PCDHGA5: variants seen among roughly 807,000 people sequenced by gnomAD.
PCDHGA5 encodes protocadherin gamma-A5.
PCDHGA5 carries 36 observed loss-of-function variants against 56.7 expected under a neutral mutation model. The ratio of observed to expected loss-of-function variants is 0.64; its 90% confidence interval spans 0.49 to 0.84. PCDHGA5 has a LOEUF of 0.84. Among genes scored for constraint, PCDHGA5 ranks in the 40% least tolerant of loss-of-function variants. PCDHGA5 has a pLI of 0.00. For synonymous variants in PCDHGA5, 563 were observed against 520.2 expected, an observed-to-expected ratio of 1.08 and a Z score of -1.12; for missense variants, 1,305 against 1,201.5, an observed-to-expected ratio of 1.09 and a Z score of -1.27.
At chr5:141,453,058 G>C (rs2098754889) in intron 1 of PCDHGA5, among the ~76,000 whole-genome samples, 2 of 152,076 alleles carry the variant, frequency 1.3e-5, no homozygotes, top group Admixed American at 1.3e-4. Flanking sequence ...TGCAGTTTTA[G>C]AGTTTTGCCA....
chr5:141,461,027 C>G (rs993151622), intron 1 of PCDHGA5, among the ~76,000 whole-genome samples: 2 of 150,168 alleles, frequency 1.3e-5, no homozygotes, highest in Non-Finnish European at 3.0e-5. Flanking sequence ...TTTTCTTTAT[C>G]CACTCATTAG....
intron 1 of PCDHGA5, among the ~76,000 whole-genome samples, chr5:141,474,266 G>A (rs1420620306): frequency 6.6e-6 from 1 of 152,186 alleles, no homozygotes; most frequent in Non-Finnish European, 1.5e-5. Context: ...ATAAACCAGT[G>A]TATCTCTGAA....
Position 141,485,342 on chromosome 5 carries a change from G to C in PCDHGA5, c.2422-9465G>C. 1.2e-6 allele frequency: 2 copies of C among 1,614,164 alleles called. No individual in the cohort carries two copies. Among genetic ancestry groups the C allele is most frequent in the Non-Finnish European group, 1.7e-6 (2 of 1,180,026 alleles). On this transcript the variant is annotated intron_variant, in intron 1 of 3. Coordinates refer to ENST00000518069, the MANE Select transcript of PCDHGA5 (RefSeq NM_018918.3). The surrounding 1 kb of genome is among the most constrained non-coding windows in gnomAD (Gnocchi z 5.7). The stretch of plus-strand genomic sequence containing the variant: ...CGCTCAAGATTTCCTGCTGGATACG[G>C]ACAGTCTGTCAGCTCGCAGGCTGCA...
chr5:141,427,817 G>A, intron 1 of PCDHGA5: 2 of 1,528,134 alleles, frequency 1.3e-6, no homozygotes, highest in Non-Finnish European at 1.8e-6. Flanking sequence ...AGAGCGGGGT[G>A]GTGGTCGCGC....
intron 1 of PCDHGA5, chr5:141,417,819 C>T: frequency 3.3e-6 from 5 of 1,513,202 alleles, no homozygotes; most frequent in Non-Finnish European, 3.5e-6. Flanking sequence ...GCACTTTCTC[C>T]AACTGGAAAA....
At chr5:141,398,023 G>C in intron 1 of PCDHGA5, 1 of 1,438,566 alleles carries the variant, frequency 7.0e-7, no homozygotes, top group Non-Finnish European at 9.3e-7. Context: ...TCCTAAACTG[G>C]AACTGGAACT....
intron 1 of PCDHGA5, among the ~76,000 whole-genome samples, chr5:141,492,968 C>T: frequency 6.6e-6 from 1 of 152,240 alleles, no homozygotes; most frequent in East Asian, 1.9e-4. Flanking sequence ...GACACTCTAA[C>T]AAGTCCTGTC....
chr5:141,431,049 T>C lies in PCDHGA5; in HGVS notation c.2422-63758T>C, dbSNP rs1226000576. On this transcript the variant is annotated intron_variant, in intron 1 of 3. Coordinates refer to ENST00000518069, the MANE Select transcript of PCDHGA5 (RefSeq NM_018918.3). The surrounding 1 kb of genome is among the most constrained non-coding windows in gnomAD (Gnocchi z 4.8). Reference sequence around the variant, plus strand: ...AGGATAGACCGGGAGGAGCTCTGTATGGGGGCCATCAAGTGTCAATTAAAT... The same window carrying C: ...AGGATAGACCGGGAGGAGCTCTGTACGGGGGCCATCAAGTGTCAATTAAAT... The C allele has an allele frequency of 6.2e-7, 1 of 1,614,162 alleles. No homozygotes were observed. Among genetic ancestry groups the C allele is most frequent in the Non-Finnish European group, 8.5e-7 (1 of 1,180,014 alleles).
At chr5:141,409,034 AACT>A in intron 1 of PCDHGA5, 6 of 1,613,992 alleles carry the variant, frequency 3.7e-6, no homozygotes, top group Non-Finnish European at 4.2e-6. Flanking sequence ...TGCTGAGATA[AACT>A]ACTACTTCCG....
chr5:141,370,186 G>A (rs1032273618), intron 1 of PCDHGA5: 2 of 508,450 alleles, frequency 3.9e-6, no homozygotes, highest in Non-Finnish European at 6.8e-6. Flanking sequence ...GCCGCTCTTG[G>A]CTAGTGCTGT....
In PCDHGA5 at chr5:141,505,419, C is replaced by T; in HGVS notation, c.2507C>T (p.Thr836Ile). 3 of 1,614,258 alleles carry T rather than the reference C, an allele frequency of 1.9e-6. No homozygotes were observed. Among genetic ancestry groups the T allele is most frequent in the Non-Finnish European group, 2.5e-6 (3 of 1,180,054 alleles). Residue 836 changes from threonine to isoleucine, a missense_variant, in exon 3 of 4, where the codon ACC becomes ATC. By Grantham distance (89) the Thr-to-Ile change is moderately conservative. Transcript: ENST00000518069. The part of the protein sequence containing the change: ...SGSQNGDDTG[T>I]WPNNQFDTEM... ...TCCCAAAATGGCGATGACACCGGCA[C>T]CTGGCCCAACAACCAGTTTGACACA...
At chr5:141,399,862 G>T in intron 1 of PCDHGA5, 1 of 1,612,900 alleles carries the variant, frequency 6.2e-7, no homozygotes, top group South Asian at 1.1e-5. Flanking sequence ...GCGCGCTGCA[G>T]AGCCCGGCTA....
Position 141,389,013 on chromosome 5 carries a change from A to G in PCDHGA5, c.2421+22262A>G, listed in dbSNP as rs187666474. 2.5e-6 allele frequency: 4 copies of G among 1,614,010 alleles called. No homozygotes were observed. The African/African-American group carries it at 4.0e-5, about 16-fold the overall frequency. On this transcript the variant is annotated intron_variant, in intron 1 of 3. Coordinates refer to ENST00000518069, the MANE Select transcript of PCDHGA5 (RefSeq NM_018918.3). ...AGTCCGTGACAAGGATTCCAGACAC[A>G]ATGGAGAAGTGACTTGTAAATTGGA...
intron 1 of PCDHGA5, among the ~76,000 whole-genome samples, chr5:141,446,338 G>T (rs964323259): frequency 6.6e-6 from 1 of 152,128 alleles, no homozygotes; most frequent in African/African-American, 2.4e-5. Flanking sequence ...GGAACTGGAT[G>T]GACAAAGCTA....
At chr5:141,382,929 C>A (rs1163790741) in intron 1 of PCDHGA5, 10 of 1,582,396 alleles carry the variant, frequency 6.3e-6, no homozygotes, top group Non-Finnish European at 8.6e-6. Flanking sequence ...GCGGGGACTA[C>A]AGAGGATTCT....
At chr5:141,393,590 G>C (rs778378242) in intron 1 of PCDHGA5, 2 of 1,613,896 alleles carry the variant, frequency 1.2e-6, no homozygotes, top group South Asian at 1.1e-5. Context: ...CCCCAGGCAC[G>C]CGGCTGCTTA....
chr5:141,441,036 A>G (rs2098219746), intron 1 of PCDHGA5: 1 of 152,216 alleles, frequency 6.6e-6, no homozygotes, highest in South Asian at 2.1e-4. Context: ...TGAAAACTTT[A>G]AGTACATTGG....
rs766227340 is a variant in PCDHGA5, at chr5:141,476,791, C to T, written c.2422-18016C>T. On this transcript the variant is annotated intron_variant, in intron 1 of 3. Transcript: ENST00000518069. The surrounding 1 kb of genome is among the most constrained non-coding windows in gnomAD (Gnocchi z 7.6). ...TGGACGGAGGGACCCCAGCTCTCTCCGCCAGCCTGCCTATTCACATCAAGG... is the reference window on the plus strand; with the variant it reads ...TGGACGGAGGGACCCCAGCTCTCTCTGCCAGCCTGCCTATTCACATCAAGG... 5.6e-6 allele frequency: 9 copies of T among 1,613,394 alleles called. No homozygotes were observed. Among genetic ancestry groups the T allele is most frequent in the Middle Eastern group, 1.6e-4 (1 of 6,084 alleles).
chr5:141,432,463 C>A lies in PCDHGA5; in HGVS notation c.2422-62344C>A, dbSNP rs781407406. On this transcript the variant is annotated intron_variant, in intron 1 of 3. Transcript: ENST00000518069. The surrounding 1 kb of genome is among the most constrained non-coding windows in gnomAD (Gnocchi z 6.0). Reference sequence around the variant, plus strand: ...CCGAGATCCTGTACCCCGCCCTCCCCACGGACGGTTCCACTGGCGTGGAGC... The same window carrying A: ...CCGAGATCCTGTACCCCGCCCTCCCAACGGACGGTTCCACTGGCGTGGAGC... The A allele has an allele frequency of 5.6e-6, 9 of 1,614,120 alleles. No homozygotes were observed. In the Admixed American group the frequency reaches 1.3e-4, roughly 24 times the overall value.
Sources: allele counts gnomAD v4.1 joint callset (sites outside exome capture counted in the v4.1 genomes callset), GRCh38; gene constraint gnomAD v4.1.1; non-coding constraint Gnocchi (gnomAD v3.1); transcripts MANE v1.5; gene names NCBI Gene and HGNC (gene_info 2026-07-23, HGNC 2026-07-21).